Variants in AGAP1 observed in about 807,000 individuals in gnomAD.
AGAP1 encodes the protein ArfGAP with GTPase domain, ankyrin repeat and PH domain 1, also known as arf-GAP with GTPase, ANK repeat and PH domain-containing protein 1.
Under a neutral mutation model 105.3 loss-of-function variants are expected in AGAP1, and 29 were observed. The ratio of observed to expected loss-of-function variants is 0.28; its 90% CI spans 0.21 to 0.38. The LOEUF is 0.38. AGAP1 is among the 10% of genes least tolerant of loss of function. AGAP1 has a pLI of 1.00. For missense variants in AGAP1, 998 were observed against 1,165.1 expected, an observed-to-expected ratio of 0.86 and a Z score of 2.09; for synonymous variants, 509 against 485.9, an observed-to-expected ratio of 1.05 and a Z score of -0.63.
intron 9 of AGAP1, among the ~76,000 whole-genome samples, chr2:235,815,541 A>G (rs2106246253): frequency 6.6e-6 from 1 of 152,344 alleles, no homozygotes; most frequent in African/African-American, 2.4e-5. Context: ...GGGTAGTAGC[A>G]GAGCTGGGAC....
In AGAP1 at chr2:235,753,403, T is replaced by C. The variant is rs1953626771; in HGVS notation, c.673+2915T>C. Among the ~76,000 whole-genome samples, 1 of 152,158 alleles carries C rather than the reference T, an allele frequency of 6.6e-6. No individual in the cohort carries two copies. Among genetic ancestry groups the C allele is most frequent in the African/African-American group, 2.4e-5 (1 of 41,442 alleles). On this transcript the variant is annotated intron_variant, in intron 6 of 17. Transcript: ENST00000304032. This position sits in a 1 kb window ranked among gnomAD's most constrained non-coding sequence, Gnocchi z 4.5. ...TTCGTATTATAGAAATAATACACTC[T>C]CATTATGTATTCGGATTTTGGCTGG...
intron 6 of AGAP1, among the ~76,000 whole-genome samples, chr2:235,766,005 G>A (rs1954920524): frequency 6.6e-6 from 1 of 152,192 alleles, no homozygotes. Context: ...CAGATAGAGT[G>A]TTTAGTAGCA....
intron 9 of AGAP1, among the ~76,000 whole-genome samples, chr2:235,851,936 C>CT (rs2048482771): frequency 6.6e-6 from 1 of 152,060 alleles, no homozygotes; most frequent in African/African-American, 2.4e-5. Flanking sequence ...ATTAAAAGAA[C>CT]TTATAGACAT....
intron 1 of AGAP1, among the ~76,000 whole-genome samples, chr2:235,643,368 T>A (rs1575026893): frequency 7.7e-6 from 1 of 130,706 alleles, no homozygotes. Flanking sequence ...GAGGCGGAGG[T>A]TGCAGTGAGC....
intron 1 of AGAP1, among the ~76,000 whole-genome samples, chr2:235,613,951 G>A (rs1946223733): frequency 6.6e-6 from 1 of 152,148 alleles, no homozygotes; most frequent in East Asian, 1.9e-4. Context: ...TAGTCTGCAA[G>A]AACCCTTTGT....
At chr2:236,117,096 C>A (rs773860453) in intron 16 of AGAP1, among the ~76,000 whole-genome samples, 2 of 152,160 alleles carry the variant, frequency 1.3e-5, no homozygotes, top group African/African-American at 2.4e-5. Flanking sequence ...ATAATGACTT[C>A]TTTTCCTCTG....
chr2:235,984,428 C>T (rs961249141), intron 13 of AGAP1, among the ~76,000 whole-genome samples: 9 of 149,070 alleles, frequency 6.0e-5, no homozygotes, highest in Non-Finnish European at 8.9e-5. Flanking sequence ...ATTGCTGGGT[C>T]ATATGGTAAC....
chr2:236,059,208 G>A (rs182055895), intron 16 of AGAP1, among the ~76,000 whole-genome samples: 6 of 151,652 alleles, frequency 4.0e-5, no homozygotes, highest in South Asian at 2.1e-4. Flanking sequence ...CACTAGCAGT[G>A]GACAATCAAA....
chr2:236,051,722 G>A lies in AGAP1; in HGVS notation c.2114+2441G>A, dbSNP rs146024523. The stretch of plus-strand genomic sequence containing the variant: ...CCTGGGGGCAGGGGAGAGGGGAAGG[G>A]TTTGTCTATTCATGGGTTCTGTCTG... On this transcript the variant is annotated intron_variant, in intron 16 of 17. Transcript: ENST00000304032. This position sits in a 1 kb window ranked among gnomAD's most constrained non-coding sequence, Gnocchi z 5.9. 6.2e-4 allele frequency among the ~76,000 whole-genome samples: 94 copies of A among 152,318 alleles called. No homozygotes were observed. In the Middle Eastern group the frequency reaches 0.014, roughly 22 times the overall value.
chr2:235,839,832 T>C (rs1026555847), intron 9 of AGAP1, among the ~76,000 whole-genome samples: 3 of 152,178 alleles, frequency 2.0e-5, no homozygotes, highest in African/African-American at 7.2e-5. Flanking sequence ...ATTTGCAGAT[T>C]ATCATTTGAA....
rs533244755 is a variant in AGAP1 at position 235,875,649 on chromosome 2, G to C, written c.1051-7696G>C. On this transcript the variant is annotated intron_variant, in intron 9 of 17. Coordinates refer to ENST00000304032, the MANE Select transcript of AGAP1 (RefSeq NM_001037131.3). This position sits in a 1 kb window ranked among gnomAD's most constrained non-coding sequence, Gnocchi z 4.0. Reference sequence around the variant, plus strand: ...TTCTCTCCCCAGCTTTCCCGGGAGTGTGTGGTCTCCTGTTTCCCATCTGCA... The same window carrying C: ...TTCTCTCCCCAGCTTTCCCGGGAGTCTGTGGTCTCCTGTTTCCCATCTGCA... Among the ~76,000 whole-genome samples the C allele has an allele frequency of 6.6e-6, 1 of 152,312 alleles. No individual in the cohort carries two copies. Among genetic ancestry groups the C allele is most frequent in the Non-Finnish European group, 1.5e-5 (1 of 68,030 alleles).
At position 236,061,516 on chromosome 2, in the gene AGAP1, G is replaced by A. The variant is rs989798898; in HGVS notation, c.2114+12235G>A. On this transcript the variant is annotated intron_variant, in intron 16 of 17. Transcript: ENST00000304032. This position sits in a 1 kb window ranked among gnomAD's most constrained non-coding sequence, Gnocchi z 4.1. The stretch of plus-strand genomic sequence containing the variant: ...TGTCCGTACACCAGAACGTGATTCT[G>A]CCATGGGAAGGAGTGAAGTGTGGAT... 2.0e-5 allele frequency among the ~76,000 whole-genome samples: 3 copies of A among 152,234 alleles called. No individual in the cohort carries two copies. The highest frequency in any genetic ancestry group is 2.9e-5 in the Non-Finnish European group (2 of 68,044).
At position 235,577,080 on chromosome 2, in the gene AGAP1, T is replaced by G. The variant is rs1944757425; in HGVS notation, c.163+82231T>G. Reference sequence around the variant, plus strand: ...GTTGTCCTGAAATATCAGGCCTTCCTGAACCCCCTTGTACCTCTGTCCAGT... The same window carrying G: ...GTTGTCCTGAAATATCAGGCCTTCCGGAACCCCCTTGTACCTCTGTCCAGT... On this transcript the variant is annotated intron_variant, in intron 1 of 17. Coordinates refer to ENST00000304032, the MANE Select transcript of AGAP1 (RefSeq NM_001037131.3). The surrounding 1 kb of genome is among the most constrained non-coding windows in gnomAD (Gnocchi z 4.5). Among the ~76,000 whole-genome samples, 1 of 152,218 alleles carries G rather than the reference T, an allele frequency of 6.6e-6. No individual in the cohort carries two copies. The highest frequency in any genetic ancestry group is 2.4e-5 in the African/African-American group (1 of 41,460).
rs1420075588 is a variant in AGAP1 at position 235,653,335 on chromosome 2, G to A, written c.164-55844G>A. On this transcript the variant is annotated intron_variant, in intron 1 of 17. Transcript: ENST00000304032. ...AAAAATTAGCCTGGTGTGGTGGCGGGCACCTGTGGTCCCAGCTACTCGGGA... is the reference window on the plus strand; with the variant it reads ...AAAAATTAGCCTGGTGTGGTGGCGGACACCTGTGGTCCCAGCTACTCGGGA... Among the ~76,000 whole-genome samples, 3 of 151,968 alleles carry A rather than the reference G, an allele frequency of 2.0e-5. No individual in the cohort carries two copies. The East Asian group carries it at 5.8e-4, about 30-fold the overall frequency.
intron 12 of AGAP1, among the ~76,000 whole-genome samples, chr2:235,954,445 G>A (rs2125280004): frequency 6.6e-6 from 1 of 151,534 alleles, no homozygotes; most frequent in East Asian, 1.9e-4. Flanking sequence ...CATTGTGGCA[G>A]GTCTAACTGT....
At chr2:235,604,780 C>T (rs1258933063) in intron 1 of AGAP1, among the ~76,000 whole-genome samples, 1 of 151,690 alleles carries the variant, frequency 6.6e-6, no homozygotes, top group Non-Finnish European at 1.5e-5. Context: ...GATGGGGTTT[C>T]ACCATGTTAG....
At chr2:235,783,378 T>C in intron 6 of AGAP1, 1 of 471,302 alleles carries the variant, frequency 2.1e-6, no homozygotes, top group East Asian at 6.9e-5. Context: ...TTGCTCATCC[T>C]TGGCCGGACC....
In AGAP1 at chr2:235,572,808, G is replaced by T. The variant is rs772537276; in HGVS notation, c.163+77959G>T. Among the ~76,000 whole-genome samples, 6 of 152,178 alleles carry T rather than the reference G, an allele frequency of 3.9e-5. 1 individual carries two copies. The highest frequency in any genetic ancestry group is 4.1e-4 in the South Asian group (2 of 4,834). On this transcript the variant is annotated intron_variant, in intron 1 of 17. Transcript: ENST00000304032. ...AAGGAGGACCTACTGTGTGCTCAGC[G>T]TGTGCCCAGCTCTGAGTGAGGCTAC...
At chr2:235,554,775 T>C (rs1394491386) in intron 1 of AGAP1, among the ~76,000 whole-genome samples, 1 of 152,180 alleles carries the variant, frequency 6.6e-6, no homozygotes, top group Non-Finnish European at 1.5e-5. Context: ...GTTCAAGCAG[T>C]TCTCCTGCCT....
Sources: gnomAD v4.1 joint callset for allele counts (sites outside exome capture counted in the v4.1 genomes callset) on GRCh38, gnomAD v4.1.1 for gene constraint, Gnocchi (gnomAD v3.1) non-coding constraint, MANE v1.5 for transcripts, NCBI Gene and HGNC (gene_info 2026-07-23, HGNC 2026-07-21) for gene names.